The following NUP155 variants were observed in gnomAD, a reference collection of about 807,000 sequenced individuals.
The protein encoded by NUP155 is nucleoporin 155.
A neutral mutation model predicts 180.4 loss-of-function variants in NUP155; 71 were observed. The ratio of observed to expected loss-of-function variants is 0.39; its 90% confidence interval spans 0.33 to 0.48. The LOEUF (loss-of-function observed/expected upper bound fraction) is 0.48, where lower values mean the gene tolerates loss of function less well. NUP155 is among the 20% of genes least tolerant of loss of function. The pLI is 0.91. For synonymous variants in NUP155, 582 were observed against 559.5 expected, an observed-to-expected ratio of 1.04 and a Z score of -0.57; for missense variants, 1,553 against 1,648.9, an observed-to-expected ratio of 0.94 and a Z score of 1.01.
chr5:37,321,089 C>CTGTA (rs2150957943), intron 20 of NUP155, among the ~76,000 whole-genome samples: 1 of 148,842 alleles, frequency 6.7e-6, no homozygotes, highest in Admixed American at 6.6e-5. Flanking sequence ...TGGCTCACTC[C>CTGTA]TGTAATCCCA....
intron 32 of NUP155, among the ~76,000 whole-genome samples, chr5:37,296,918 T>C (rs1271983946): frequency 2.6e-5 from 4 of 152,114 alleles, no homozygotes; most frequent in Non-Finnish European, 5.9e-5. Flanking sequence ...GGTTCGCACC[T>C]ATAATCCCAG....
At position 37,314,262 on chromosome 5, in the gene NUP155, G is replaced by A. The variant is rs1401322940; in HGVS notation, c.2372C>T (p.Ala791Val). The A allele has an allele frequency of 6.2e-7, 1 of 1,609,352 alleles. No individual in the cohort carries two copies. The highest frequency in any genetic ancestry group is 8.5e-7 in the Non-Finnish European group (1 of 1,175,954). ...ACAAAGAAGTTTCCATAAAGCCAGAGCCTGATATGATTTTCGAACCAACTG... is the reference window on the plus strand; with the variant it reads ...ACAAAGAAGTTTCCATAAAGCCAGAACCTGATATGATTTTCGAACCAACTG... ...IQQLVRKSYQALALWKLLCEH... is the reference protein window; with the variant it reads ...IQQLVRKSYQVLALWKLLCEH... Residue 791 changes from alanine (A) to valine (V), a missense_variant, in exon 22 of 35, where the codon GCT becomes GTT. Ala to Val is a moderately conservative substitution (Grantham distance 64). Coordinates refer to ENST00000231498, the MANE Select transcript of NUP155 (RefSeq NM_153485.3).
chr5:37,307,915 C>CT (rs1176223007), intron 24 of NUP155, among the ~76,000 whole-genome samples: 1 of 126,930 alleles, frequency 7.9e-6, no homozygotes, highest in Non-Finnish European at 1.6e-5. Context: ...GAACAAGACT[C>CT]TGTCTCACAA....
chr5:37,341,836 G>A (rs556692764), intron 10 of NUP155, among the ~76,000 whole-genome samples: 5 of 152,128 alleles, frequency 3.3e-5, no homozygotes, highest in East Asian at 1.9e-4. Context: ...CACCGCACCC[G>A]GCTCCCCTGA....
At chr5:37,342,131 TGG>T (rs988510915) in intron 10 of NUP155, among the ~76,000 whole-genome samples, 6 of 152,168 alleles carry the variant, frequency 3.9e-5, no homozygotes, top group Non-Finnish European at 8.8e-5. Context: ...CTCAAACTCC[TGG>T]GCTCAAGTGA....
chr5:37,303,551 C>G (rs1441106751), intron 27 of NUP155, 137 bp from the exon 28 acceptor site: 4 of 728,288 alleles, frequency 5.5e-6, no homozygotes, highest in Non-Finnish European at 6.9e-6. Context: ...TAATCCAATA[C>G]TAACAGATAA....
chr5:37,343,661 C>T (rs938522510), intron 9 of NUP155, among the ~76,000 whole-genome samples: 5 of 151,942 alleles, frequency 3.3e-5, no homozygotes, highest in South Asian at 2.1e-4. Context: ...GAAGCCGAGA[C>T]GGGCAGATAA....
intron 25 of NUP155, among the ~76,000 whole-genome samples, chr5:37,305,824 TATC>T (rs1460632579): frequency 6.6e-6 from 1 of 151,674 alleles, no homozygotes; most frequent in African/African-American, 2.4e-5. Flanking sequence ...AGTGAGCTAT[TATC>T]ATGCCACTGC....
chr5:37,332,514 G>A (rs749935853), intron 13 of NUP155, among the ~76,000 whole-genome samples: 8 of 151,682 alleles, frequency 5.3e-5, no homozygotes, highest in East Asian at 1.9e-4. Context: ...TAGTAAAGAC[G>A]GGGTTTCACT....
In NUP155 at chr5:37,324,022, T is replaced by C. The variant is rs1374940046; in HGVS notation, c.2177A>G (p.Gln726Arg). Residue 726 changes from glutamine to arginine, a missense_variant, in exon 20 of 35, where the codon CAG becomes CGG. Transcript: ENST00000231498. ...ATTTCCTAATGGTCCTCCTGCAAACTGGGAGTTTCTGTCTAGAAATTCCTG... is the reference window on the plus strand; with the variant it reads ...ATTTCCTAATGGTCCTCCTGCAAACCGGGAGTTTCTGTCTAGAAATTCCTG... Reference protein sequence around the residue: ...GLQEFLDRNSQFAGGPLGNPN... With the variant: ...GLQEFLDRNSRFAGGPLGNPN... 1.8e-5 allele frequency: 29 copies of C among 1,612,440 alleles called. No individual in the cohort carries two copies. The highest frequency in any genetic ancestry group is 2.2e-5 in the Non-Finnish European group (26 of 1,178,630).
intron 20 of NUP155, among the ~76,000 whole-genome samples, chr5:37,323,610 A>G (rs975826151): frequency 2.0e-5 from 3 of 149,260 alleles, no homozygotes; most frequent in South Asian, 4.2e-4. Flanking sequence ...TTATATAACT[A>G]TATTTCTATA....
intron 32 of NUP155, among the ~76,000 whole-genome samples, chr5:37,295,252 T>A (rs1742468821): frequency 6.6e-6 from 1 of 152,180 alleles, no homozygotes. Context: ...TTTTGCTGTG[T>A]TGGCCGGGCT....
At chr5:37,319,474 T>C (rs1037156526) in intron 20 of NUP155, among the ~76,000 whole-genome samples, 1 of 152,196 alleles carries the variant, frequency 6.6e-6, no homozygotes, top group African/African-American at 2.4e-5. Context: ...GAAAATGATA[T>C]GATCATCTCT....
chr5:37,292,293 G>A (rs1233282593), intron 34 of NUP155, among the ~76,000 whole-genome samples: 2 of 151,102 alleles, frequency 1.3e-5, no homozygotes, highest in Admixed American at 1.3e-4. Context: ...TCGGCTCACT[G>A]CAACCTCTGC....
chr5:37,320,151 T>C (rs1311281656), intron 20 of NUP155, among the ~76,000 whole-genome samples: 1 of 148,024 alleles, frequency 6.8e-6, no homozygotes, highest in African/African-American at 2.5e-5. Flanking sequence ...AGAGCAAGAT[T>C]GCCTAAAAAA....
At position 37,296,483 on chromosome 5, in the gene NUP155, C is replaced by T. The variant is rs535046480; in HGVS notation, c.3794-2018G>A. ...TAAACAGACGCTTGAAGGCAGCATGCGGCAGCATGCTTGTTAAGAGTCATC... is the reference window on the plus strand; with the variant it reads ...TAAACAGACGCTTGAAGGCAGCATGTGGCAGCATGCTTGTTAAGAGTCATC... On this transcript the variant is annotated intron_variant, in intron 32 of 34. Coordinates refer to ENST00000231498, the MANE Select transcript of NUP155 (RefSeq NM_153485.3). Among the ~76,000 whole-genome samples the T allele has an allele frequency of 2.0e-5, 3 of 149,536 alleles. No homozygotes were observed. In the East Asian group the frequency reaches 5.8e-4, roughly 29 times the overall value.
intron 19 of NUP155, among the ~76,000 whole-genome samples, chr5:37,324,758 G>A (rs1349393714): frequency 6.6e-6 from 1 of 152,126 alleles, no homozygotes; most frequent in Non-Finnish European, 1.5e-5. Flanking sequence ...TGGCCGCGTT[G>A]CCCTGGCTGG....
intron 3 of NUP155, among the ~76,000 whole-genome samples, chr5:37,361,675 T>C (rs1194832464): frequency 6.6e-6 from 1 of 152,224 alleles, no homozygotes; most frequent in African/African-American, 2.4e-5. Context: ...TTAGGATTTA[T>C]AATAGAAAGC....
At chr5:37,316,269 T>A (rs1414161110) in intron 21 of NUP155, among the ~76,000 whole-genome samples, 1 of 152,160 alleles carries the variant, frequency 6.6e-6, no homozygotes, top group Non-Finnish European at 1.5e-5. Context: ...TTCTGACACG[T>A]TACAACATGG....
Sources: gnomAD v4.1 joint callset for allele counts (sites outside exome capture counted in the v4.1 genomes callset) on GRCh38, gnomAD v4.1.1 for gene constraint, MANE v1.5 for transcripts, NCBI Gene and HGNC (gene_info 2026-07-23, HGNC 2026-07-21) for gene names.